The following NBPF12 variants were observed in gnomAD, a reference collection of about 807,000 sequenced individuals.
NBPF12 encodes the protein NBPF member 12, also known as NBPF family member NBPF12.
NBPF12 carries 115 observed loss-of-function variants against 146.4 expected under a neutral mutation model. That is an observed-to-expected ratio of 0.79 (90% CI 0.68 to 0.92). The LOEUF is 0.92. Ranked by LOEUF, NBPF12 falls within the 40% of genes least tolerant of loss-of-function variation. NBPF12 has a pLI of 0.00. For synonymous variants in NBPF12, 385 were observed against 508.9 expected, an observed-to-expected ratio of 0.76 and a Z score of 3.28; for missense variants, 1,205 against 1,326.8, an observed-to-expected ratio of 0.91 and a Z score of 1.43.
At chr1:146,984,538 C>T (rs1657606882) in intron 21 of NBPF12, among the ~76,000 whole-genome samples, 1 of 150,196 alleles carries the variant, frequency 6.7e-6, no homozygotes. Context: ...CTTTGACTCC[C>T]TCATCAGTGT....
At chr1:146,959,102 AG>A in intron 2 of NBPF12, among the ~76,000 whole-genome samples, 1 of 98,818 alleles carries the variant, frequency 1.0e-5, no homozygotes, top group Non-Finnish European at 2.1e-5. Flanking sequence ...TACAATCAAT[AG>A]GATATTACTT....
At chr1:146,941,479 G>A (rs1654800727) in intron 1 of NBPF12, among the ~76,000 whole-genome samples, 1 of 148,160 alleles carries the variant, frequency 6.7e-6, no homozygotes, top group Admixed American at 6.7e-5. Flanking sequence ...TGCCTGGCCA[G>A]GTGCGGTGGC....
Position 146,951,329 on chromosome 1 carries a change from A to G in NBPF12, c.-325-19A>G. 1.6e-6 allele frequency: 1 copy of G among 630,696 alleles called. No homozygotes were observed. Among genetic ancestry groups the G allele is most frequent in the South Asian group, 1.9e-5 (1 of 53,094 alleles). 39.1% of individuals were successfully genotyped at this position (630,696 alleles called of 1,614,324 possible). On this transcript the variant is annotated intron_variant, in intron 1 of 33. Coordinates refer to ENST00000617844, the Ensembl canonical transcript of NBPF12. ...TTTCCTCTGGGGAGGTAAATAAATTATTTGTTTCTTCTTGGTAGCCCTTGA... is the reference window on the plus strand; with the variant it reads ...TTTCCTCTGGGGAGGTAAATAAATTGTTTGTTTCTTCTTGGTAGCCCTTGA...
At chr1:146,977,151 C>T (rs1373486317) in intron 17 of NBPF12, 150 bp downstream of exon 20, 79 of 937,764 alleles carry the variant, frequency 8.4e-5, no homozygotes, top group African/African-American at 1.8e-4. Flanking sequence ...ACACAGGGTG[C>T]GGCAGGTGTC....
rs1657142341 is a variant in NBPF12, at chr1:146,977,803, T to G, written c.2398+132T>G. 1.8e-5 allele frequency: 12 copies of G among 681,978 alleles called. No homozygotes were observed. In the South Asian group the frequency reaches 2.3e-4, roughly 13 times the overall value. 42.2% of individuals were successfully genotyped at this position (681,978 alleles called of 1,614,324 possible). A position where few individuals can be genotyped will look rare whatever the true frequency, so the allele number is the denominator to read the frequency against. On this transcript the variant is annotated intron_variant, in intron 18 of 33. Transcript: ENST00000617844. ...GGGTTTCTAAACAGATATCAGGGAGTTTTTTTGTCCTTCTCAGCTAATGTC... is the reference window on the plus strand; with the variant it reads ...GGGTTTCTAAACAGATATCAGGGAGGTTTTTTGTCCTTCTCAGCTAATGTC...
chr1:146,940,419 C>T (rs1210926288), intron 1 of NBPF12, among the ~76,000 whole-genome samples: 8 of 152,010 alleles, frequency 5.3e-5, no homozygotes, highest in East Asian at 3.9e-4. Flanking sequence ...GCCTGGGCAA[C>T]GTGGCAAAAT....
chr1:146,989,191 G>A (rs1279715977), intron 27 of NBPF12, among the ~76,000 whole-genome samples: 19 of 122,728 alleles, frequency 1.5e-4, no homozygotes, highest in South Asian at 2.4e-4. Flanking sequence ...CCACTGCATC[G>A]AATTTTGAGC....
chr1:146,956,436 GCATC>G (rs1383989449), intron 2 of NBPF12, among the ~76,000 whole-genome samples: 2 of 151,830 alleles, frequency 1.3e-5, no homozygotes, highest in Non-Finnish European at 2.9e-5. Context: ...TTCCGTTAGT[GCATC>G]CATTTGTAAA....
chr1:146,950,803 C>A (rs1367391021), intron 1 of NBPF12, among the ~76,000 whole-genome samples: 1 of 151,936 alleles, frequency 6.6e-6, no homozygotes. Flanking sequence ...AAGAATGTAT[C>A]CATTCTTGTA....
Position 146,969,751 on chromosome 1 carries a change from G to A in NBPF12, c.1306+155G>A, listed in dbSNP as rs1370623614. Among the ~76,000 whole-genome samples, 889 of 151,602 alleles carry A rather than the reference G, an allele frequency of 5.9e-3. 28 individuals are homozygous for A. The highest frequency in any genetic ancestry group is 0.02 in the African/African-American group (834 of 41,066). Reference sequence around the variant, plus strand: ...CCAGGACTTCCTGGGTAAGAACGGAGATGGGAAACCCATGGGTTTGGAGGT... The same window carrying A: ...CCAGGACTTCCTGGGTAAGAACGGAAATGGGAAACCCATGGGTTTGGAGGT... On this transcript the variant is annotated intron_variant, in intron 11 of 33. Transcript: ENST00000617844.
At chr1:146,951,285 T>A in intron 1 of NBPF12, 63 bp from the exon 5 acceptor site, 1 of 703,650 alleles carries the variant, frequency 1.4e-6, no homozygotes, top group Admixed American at 2.1e-5. Context: ...GGTAAGAAAG[T>A]GTCTCATTGG....
chr1:146,994,275 G>A (rs1334997516), intron 33 of NBPF12, 57 bp from the exon 37 acceptor site: 2 of 1,610,940 alleles, frequency 1.2e-6, no homozygotes, highest in East Asian at 4.5e-5. Flanking sequence ...AATCTAGTGA[G>A]GCTCTGTGGT....
rs1346435205 is a variant in NBPF12, at chr1:146,960,273, C to G, written c.130C>G (p.Leu44Val). ...CAGAAACCTCAAAGAGAGATGTTTT[C>G]TAACTCAACTGGCCGGCTTCCTGGC... The change falls in exon 4 of 34, where the codon CTA becomes GTA. Residue 44 changes from leucine to valine, a missense_variant. Coordinates refer to ENST00000617844, the Ensembl canonical transcript of NBPF12. 2.7e-5 allele frequency: 38 copies of G among 1,391,242 alleles called. 1 individual carries two copies. In the Admixed American group the frequency reaches 3.6e-4, roughly 13 times the overall value. 86.2% of individuals were successfully genotyped at this position (1,391,242 alleles called of 1,614,324 possible).
intron 1 of NBPF12, among the ~76,000 whole-genome samples, chr1:146,941,449 T>C (rs1211361952): frequency 6.7e-6 from 1 of 150,220 alleles, no homozygotes; most frequent in Non-Finnish European, 1.5e-5. Context: ...CTGCTTATTG[T>C]GTCCTGTTTA....
At chr1:146,966,395 A>T in intron 8 of NBPF12, 69 bp from the exon 12 acceptor site, 1 of 1,234,800 alleles carries the variant, frequency 8.1e-7, no homozygotes, top group South Asian at 1.2e-5. Context: ...GACATCCCTC[A>T]GTCCTGATTA....
Position 146,963,302 on chromosome 1 carries a change from C to A in NBPF12, c.486C>A (p.Leu162=), listed in dbSNP as rs1655976770. The A allele has an allele frequency of 8.7e-6, 14 of 1,611,802 alleles. No homozygotes were observed. The Admixed American group carries it at 1.8e-4, about 21-fold the overall frequency. Reference sequence around the variant, plus strand: ...TGGCACAGCAACTTGTCCAAAAGCTCAGCCCAGGTAAGGTGGCCATAGGCC... The same window carrying A: ...TGGCACAGCAACTTGTCCAAAAGCTAAGCCCAGGTAAGGTGGCCATAGGCC... Residue 162 remains leucine, a synonymous_variant, in exon 6 of 34, where the codon CTC becomes CTA. Coordinates refer to ENST00000617844, the Ensembl canonical transcript of NBPF12.
chr1:146,972,027 G>T (rs1465651726), intron 13 of NBPF12, among the ~76,000 whole-genome samples: 1 of 148,828 alleles, frequency 6.7e-6, no homozygotes, highest in Non-Finnish European at 1.5e-5. Flanking sequence ...ACCGGATCTT[G>T]CAGTGAGCCG....
At chr1:146,980,509 G>A (rs1657305268) in intron 19 of NBPF12, among the ~76,000 whole-genome samples, 2 of 151,580 alleles carry the variant, frequency 1.3e-5, no homozygotes, top group South Asian at 4.2e-4. Flanking sequence ...GGGCAGGCCT[G>A]GTGGTGACAA....
At chr1:146,989,320 C>A (rs1259757156) in intron 27 of NBPF12, among the ~76,000 whole-genome samples, 6 of 146,382 alleles carry the variant, frequency 4.1e-5, no homozygotes, top group African/African-American at 1.3e-4. Context: ...CTGGCCAATT[C>A]ACTAGCTCAC....
Sources: allele counts gnomAD v4.1 joint callset (sites outside exome capture counted in the v4.1 genomes callset), GRCh38; gene constraint gnomAD v4.1.1; transcripts MANE v1.5; gene names NCBI Gene and HGNC (gene_info 2026-07-23, HGNC 2026-07-21).